The following PRB3 variants were observed in gnomAD, a reference collection of about 807,000 sequenced individuals.
PRB3 encodes proline rich protein BstNI subfamily 3.
A neutral mutation model predicts 10.0 loss-of-function variants in PRB3; 9 were observed. The ratio of observed to expected loss-of-function variants is 0.90; its 90% CI spans 0.54 to 1.57. The LOEUF (loss-of-function observed/expected upper bound fraction) is 1.57. PRB3 is among the 40% of genes most tolerant of loss of function. The probability of loss-of-function intolerance (pLI) is 0.00; values close to 1 mark genes in which losing one functional copy is unlikely to be tolerated. For synonymous variants in PRB3, 89 were observed against 138.6 expected (o/e 0.64, Z 2.52); for missense variants, 285 against 385.5 (o/e 0.74, Z 2.18).
In PRB3 at chr12:11,267,952, T is replaced by C. The variant is rs557496808; in HGVS notation, c.297A>G (p.Pro99=). The change falls in exon 3 of 4, where the codon CCA becomes CCG. Residue 99 remains proline (P), a synonymous_variant. Coordinates refer to ENST00000538488, the MANE Select transcript of PRB3 (RefSeq NM_001394862.1). The part of the protein sequence containing the change: ...SQGPPPRPGK[P]EGQPPQGGNQ... ...TTCCTCCTTGTGGGGGTTGTCCTTC[T>C]GGCTTTCCCGGACGAGGTGGGGGAC... 9.1e-5 allele frequency: 143 copies of C among 1,563,634 alleles called. 2 individuals carry two copies. In the South Asian group the frequency reaches 1.6e-3, roughly 17 times the overall value.
Position 11,268,111 on chromosome 12 carries a change from C to A in PRB3, c.138G>T (p.Gln46His). 4 of 1,563,256 alleles carry A rather than the reference C, an allele frequency of 2.6e-6. No individual in the cohort carries two copies. The highest frequency in any genetic ancestry group is 3.5e-6 in the Non-Finnish European group (4 of 1,147,856). ...CTGGAGGAGGTGGGGTACGTTGGGG[C>A]TGGTTTCCTCCTTGTGGGCGTCGTC... ...PEGRRPQGGN[Q>H]PQRTPPPPGK... The change falls in exon 3 of 4, where the codon CAG becomes CAT. Residue 46 changes from glutamine (Q) to histidine (H), a missense_variant. By Grantham distance (24) the Gln-to-His change is conservative. Around this residue, in one of 3 missense-constraint regions of PRB3, gnomAD observed 147 missense variants for 129.4 expected, o/e 1.14. Transcript: ENST00000538488.
rs772269788 is a variant in PRB3, at chr12:11,267,188, C to T, written c.*5G>A. 1 of 1,607,978 alleles carries T rather than the reference C, an allele frequency of 6.2e-7. No individual in the cohort carries two copies. The stretch of plus-strand genomic sequence containing the variant: ...ACTGGAATCATACCTGTCATTGAAC[C>T]TTGATTACTGGGGAGGCTGTCCCTG... On this transcript the variant is annotated 3_prime_UTR_variant, in exon 3 of 4. Coordinates refer to ENST00000538488, the MANE Select transcript of PRB3 (RefSeq NM_001394862.1).
chr12:11,268,729 G>T, intron 1 of PRB3, 61 bp from the exon 2 acceptor site: 6 of 1,547,098 alleles, frequency 3.9e-6, no homozygotes, highest in Non-Finnish European at 4.5e-6. Context: ...AGATTCACAG[G>T]TGTTCTACAG....
In PRB3 at chr12:11,269,683, C is replaced by T; in HGVS notation, c.-14G>A. 1 of 1,613,906 alleles carries T rather than the reference C, an allele frequency of 6.2e-7. No homozygotes were observed. The highest frequency in any genetic ancestry group is 1.1e-5 in the South Asian group (1 of 91,084). On this transcript the variant is annotated 5_prime_UTR_variant, in exon 1 of 4. Coordinates refer to ENST00000538488, the MANE Select transcript of PRB3 (RefSeq NM_001394862.1). ...AATCAGTAGCATCTTGCTGGAGGCTCTGGAGTCACTCCCAACTCTGTGCTG... is the reference window on the plus strand; with the variant it reads ...AATCAGTAGCATCTTGCTGGAGGCTTTGGAGTCACTCCCAACTCTGTGCTG...
At position 11,267,250 on chromosome 12, in the gene PRB3, A is replaced by G. The variant is rs1412072701; in HGVS notation, c.999T>C (p.Pro333=). ...GTGGTCTGCCCCCTTGAGGAGGTGG[A>G]GGTGGTCCCTGGGGCTTTCCAGCGG... The part of the protein sequence containing the change: ...PPPAGKPQGP[P]PPPQGGRPHR... Residue 333 remains proline, a synonymous_variant, in exon 3 of 4, where the codon CCT becomes CCC. Coordinates refer to ENST00000538488, the MANE Select transcript of PRB3 (RefSeq NM_001394862.1). 2 of 1,613,796 alleles carry G rather than the reference A, an allele frequency of 1.2e-6. No individual in the cohort carries two copies. The highest frequency in any genetic ancestry group is 1.7e-6 in the Non-Finnish European group (2 of 1,179,884).
rs200124888 is a variant in PRB3 at position 11,267,273 on chromosome 12, C to G, written c.976G>C (p.Ala326Pro). Residue 326 changes from alanine to proline, a missense_variant, in exon 3 of 4, where the codon GCT (alanine) becomes CCT (proline). By Grantham distance (27) the Ala-to-Pro change is conservative (BLOSUM62 -1). Transcript: ENST00000538488. ...GNPQQPLPPP[A>P]GKPQGPPPPP... ...GGAGGTGGTCCCTGGGGCTTTCCAG[C>G]GGGAGGTGGCAGAGGCTGCTGGGGA... 1 of 1,612,918 alleles carries G rather than the reference C, an allele frequency of 6.2e-7. No individual in the cohort carries two copies. The highest frequency in any genetic ancestry group is 1.7e-5 in the Admixed American group (1 of 59,966).
At chr12:11,268,574 G>C (rs1387182293) in intron 2 of PRB3, 59 bp downstream of exon 2, 1 of 1,533,444 alleles carries the variant, frequency 6.5e-7, no homozygotes, top group African/African-American at 1.4e-5. Flanking sequence ...CTGGAGAACT[G>C]ATCCATTCAT....
Position 11,269,696 on chromosome 12 carries a change from C to G in PRB3, c.-27G>C, listed in dbSNP as rs754161672. On this transcript the variant is annotated 5_prime_UTR_variant, in exon 1 of 4. Coordinates refer to ENST00000538488, the MANE Select transcript of PRB3 (RefSeq NM_001394862.1). ...TTGCTGGAGGCTCTGGAGTCACTCC[C>G]AACTCTGTGCTGGGAGAACCATGGC... The G allele has an allele frequency of 5.0e-6, 8 of 1,613,384 alleles. No individual in the cohort carries two copies. The South Asian group carries it at 5.5e-5, about 11-fold the overall frequency.
At chr12:11,268,704 A>G (rs2277409) in intron 1 of PRB3, 36 bp from the exon 2 acceptor site, 1 of 1,606,836 alleles carries the variant, frequency 6.2e-7, no homozygotes, top group East Asian at 2.2e-5. Context: ...GAAAGGTTAC[A>G]TCTCGAATTT....
intron 2 of PRB3, 110 bp from the exon 3 acceptor site, chr12:11,268,258 G>C (rs1332801012): frequency 1.3e-6 from 2 of 1,550,116 alleles, no homozygotes; most frequent in African/African-American, 2.7e-5. Context: ...TAATTTCTTT[G>C]CATTTTCAGT....
At chr12:11,266,865 T>A (rs1948591851) in intron 3 of PRB3, among the ~76,000 whole-genome samples, 2 of 152,174 alleles carry the variant, frequency 1.3e-5, no homozygotes, top group South Asian at 4.1e-4. Context: ...GTGAAAAATT[T>A]AAATGCAATA....
intron 1 of PRB3, among the ~76,000 whole-genome samples, chr12:11,268,973 A>G (rs574097959): frequency 2.6e-5 from 4 of 152,314 alleles, no homozygotes; most frequent in East Asian, 1.9e-4. Flanking sequence ...ATATTTTGGT[A>G]TTCTTATGCC....
At chr12:11,269,058 T>A (rs1431217576) in intron 1 of PRB3, among the ~76,000 whole-genome samples, 8 of 152,194 alleles carry the variant, frequency 5.3e-5, no homozygotes, top group Admixed American at 5.2e-4. Flanking sequence ...ATTGTTTCAA[T>A]ACAATCTTAC....
At position 11,268,767 on chromosome 12, in the gene PRB3, T is replaced by C. The variant is rs1327290464; in HGVS notation, c.65-99A>G. On this transcript the variant is annotated intron_variant, in intron 1 of 3. Transcript: ENST00000538488. ...AAAGGGGACTTCTCACCACACCCCA[T>C]GCATCCCCTAGGTTAGCTCATCAGC... 2.9e-6 allele frequency: 4 copies of C among 1,369,046 alleles called. No individual in the cohort carries two copies. In the African/African-American group the frequency reaches 5.7e-5, roughly 20 times the overall value. The allele number at this position is 1,369,046 out of a possible 1,614,324, so 84.8% of individuals were successfully genotyped here.
At position 11,268,114 on chromosome 12, in the gene PRB3, G is replaced by C. The variant is rs1339530763; in HGVS notation, c.135C>G (p.Asn45Lys). 10 of 1,560,182 alleles carry C rather than the reference G, an allele frequency of 6.4e-6. No individual in the cohort carries two copies. The highest frequency in any genetic ancestry group is 8.7e-6 in the Non-Finnish European group (10 of 1,145,980). ...GAGGAGGTGGGGTACGTTGGGGCTG[G>C]TTTCCTCCTTGTGGGCGTCGTCCTT... ...KPEGRRPQGG[N>K]QPQRTPPPPG... Residue 45 changes from asparagine (N) to lysine (K), a missense_variant, in exon 3 of 4, where the codon AAC (asparagine) becomes AAG (lysine). Physicochemically the swap from Asn to Lys is moderately conservative, Grantham distance 94. This residue lies in a region of PRB3 where 147 missense variants were observed against 129.4 expected (regional missense o/e 1.14). Transcript: ENST00000538488.
At position 11,268,676 on chromosome 12, in the gene PRB3, A is replaced by C. The variant is rs1047316288; in HGVS notation, c.65-8T>G. ...ATTCTTCCTGGCTGACATCTAGAAG[A>C]GAAGCACAGGATGATGGGAAAGGTT... On this transcript the variant is annotated splice_polypyrimidine_tract_variant and splice_region_variant and intron_variant, in intron 1 of 3. Transcript: ENST00000538488. The C allele has an allele frequency of 6.2e-7, 1 of 1,612,808 alleles. No individual in the cohort carries two copies. The highest frequency in any genetic ancestry group is 1.7e-5 in the Admixed American group (1 of 60,022).
At position 11,268,060 on chromosome 12, in the gene PRB3, T is replaced by C. The variant is rs1407579765; in HGVS notation, c.189A>G (p.Gln63=). The change falls in exon 3 of 4, where the codon CAA becomes CAG. Residue 63 remains glutamine, a synonymous_variant. Transcript: ENST00000538488. ...PPGKPEGRPP[Q]GGNQSQGPPP... ...GGGGACCTTGGGACTGGTTGCCTCC[T>C]TGTGGGGGTCGTCCTTCTGGCTTTC... 2 of 1,605,248 alleles carry C rather than the reference T, an allele frequency of 1.2e-6. No individual in the cohort carries two copies. Among genetic ancestry groups the C allele is most frequent in the Non-Finnish European group, 8.5e-7 (1 of 1,174,854 alleles).
chr12:11,269,497 C>T, intron 1 of PRB3, 109 bp downstream of exon 1: 1 of 1,366,356 alleles, frequency 7.3e-7, no homozygotes, highest in South Asian at 1.2e-5. Context: ...AGGCATGAAA[C>T]CTCTGCAGCC....
At chr12:11,266,119 A>G (rs1948584283) in intron 3 of PRB3, 90 bp from the exon 4 acceptor site, 7 of 428,388 alleles carry the variant, frequency 1.6e-5, no homozygotes, top group South Asian at 1.2e-4. Context: ...AGTAGAGTAC[A>G]TGAGATCCCA....
Sources: gnomAD v4.1 joint callset for allele counts (sites outside exome capture counted in the v4.1 genomes callset) on GRCh38, gnomAD v4.1.1 for gene constraint, gnomAD v4.1.1 regional missense constraint, MANE v1.5 for transcripts, NCBI Gene and HGNC (gene_info 2026-07-23, HGNC 2026-07-21) for gene names.